Variants in TAFA2 observed in about 807,000 individuals in gnomAD.
TAFA2 encodes chemokine-like protein TAFA-2.
TAFA2 carries 7 observed loss-of-function variants against 18.8 expected under a neutral mutation model. That is an observed-to-expected ratio of 0.37 (90% CI 0.21 to 0.70). The LOEUF (loss-of-function observed/expected upper bound fraction) is 0.70, where lower values mean the gene tolerates loss of function less well. Among genes scored for constraint, TAFA2 ranks in the 30% least tolerant of loss-of-function variants. The probability of loss-of-function intolerance (pLI) is 0.53; values close to 1 mark genes in which losing one functional copy is unlikely to be tolerated. For missense variants in TAFA2, 122 were observed against 158.1 expected, an observed-to-expected ratio of 0.77 and a Z score of 1.23; for synonymous variants, 60 against 54.2, an observed-to-expected ratio of 1.11 and a Z score of -0.47.
intron 2 of TAFA2, among the ~76,000 whole-genome samples, chr12:61,825,289 G>A (rs1872496777): frequency 6.6e-6 from 1 of 152,006 alleles, no homozygotes; most frequent in Non-Finnish European, 1.5e-5. Context: ...AATAAGCACA[G>A]CAACTGATTG....
intron 1 of TAFA2, among the ~76,000 whole-genome samples, chr12:61,912,458 CA>C (rs1228449003): frequency 6.6e-6 from 1 of 152,104 alleles, no homozygotes; most frequent in Non-Finnish European, 1.5e-5. Flanking sequence ...TTAGAAAATA[CA>C]AATATATGTG....
chr12:61,818,944 G>C (rs924131020), intron 2 of TAFA2, among the ~76,000 whole-genome samples: 20 of 152,116 alleles, frequency 1.3e-4, no homozygotes, highest in Non-Finnish European at 2.6e-4. Flanking sequence ...TTTTATAAAA[G>C]GCTGTAAGGC....
intron 1 of TAFA2, among the ~76,000 whole-genome samples, chr12:62,066,768 TAAAC>T (rs2136796813): frequency 6.6e-6 from 1 of 152,172 alleles, no homozygotes; most frequent in South Asian, 2.1e-4. Flanking sequence ...AGTGCTGTAA[TAAAC>T]AAGGGAATGC....
At chr12:61,713,651 T>C (rs937263024) in intron 4 of TAFA2, among the ~76,000 whole-genome samples, 2 of 152,266 alleles carry the variant, frequency 1.3e-5, no homozygotes, top group African/African-American at 4.8e-5. Flanking sequence ...AGGTACATTA[T>C]CACCAGTTGA....
At chr12:61,961,330 T>C (rs1031621792) in intron 1 of TAFA2, among the ~76,000 whole-genome samples, 1 of 151,954 alleles carries the variant, frequency 6.6e-6, no homozygotes, top group Non-Finnish European at 1.5e-5. Flanking sequence ...AAACCCAAAC[T>C]ATATCAACTA....
chr12:62,079,990 G>C (rs1868295094), intron 1 of TAFA2, among the ~76,000 whole-genome samples: 1 of 152,176 alleles, frequency 6.6e-6, no homozygotes, highest in African/African-American at 2.4e-5. Context: ...AGATCTTATA[G>C]GCTAAAATCA....
chr12:61,952,833 T>A (rs1363563909), intron 1 of TAFA2, among the ~76,000 whole-genome samples: 1 of 152,122 alleles, frequency 6.6e-6, no homozygotes, highest in African/African-American at 2.4e-5. Flanking sequence ...CGTGATTATA[T>A]GTATGATTAT....
At chr12:61,865,407 A>C (rs531866033) in intron 2 of TAFA2, among the ~76,000 whole-genome samples, 32 of 152,352 alleles carry the variant, frequency 2.1e-4, no homozygotes, top group Non-Finnish European at 3.8e-4. Context: ...AAATAAAAAG[A>C]AAAGAAAGAA....
intron 2 of TAFA2, among the ~76,000 whole-genome samples, chr12:61,810,167 C>T (rs976085764): frequency 5.9e-5 from 9 of 151,474 alleles, no homozygotes; most frequent in Admixed American, 2.0e-4. Context: ...CATACCATAA[C>T]ATTTTTCTTC....
At chr12:62,191,070 A>C (rs903540783) in intron 1 of TAFA2, among the ~76,000 whole-genome samples, 189 bp downstream of exon 1, 20 of 151,394 alleles carry the variant, frequency 1.3e-4, no homozygotes, top group African/African-American at 4.6e-4. Flanking sequence ...CCCGCGAGGG[A>C]GACGCCGGCC....
chr12:61,898,398 G>A (rs531661525), intron 1 of TAFA2, among the ~76,000 whole-genome samples: 14 of 152,306 alleles, frequency 9.2e-5, no homozygotes, highest in Admixed American at 3.9e-4. Context: ...CCTAGCAGAG[G>A]TTCTCCATGA....
chr12:61,877,955 A>G (rs1874938530), intron 1 of TAFA2: 1 of 420,680 alleles, frequency 2.4e-6, no homozygotes, highest in Admixed American at 2.6e-5. Flanking sequence ...ATATACATAT[A>G]TATACACACA....
intron 1 of TAFA2, among the ~76,000 whole-genome samples, chr12:62,229,007 C>A (rs925369094): frequency 2.6e-5 from 4 of 151,508 alleles, no homozygotes; most frequent in African/African-American, 9.7e-5. Context: ...TTTTTTATTT[C>A]TTTTTCAGTT....
chr12:61,859,380 G>A (rs539636534), intron 2 of TAFA2, among the ~76,000 whole-genome samples: 1 of 152,290 alleles, frequency 6.6e-6, no homozygotes, highest in Admixed American at 6.5e-5. Context: ...CCCAATTCAA[G>A]GTAATGTTTG....
intron 1 of TAFA2, among the ~76,000 whole-genome samples, chr12:61,877,134 C>T (rs1329011384): frequency 6.6e-6 from 1 of 152,196 alleles, no homozygotes; most frequent in African/African-American, 2.4e-5. Context: ...AAAGCAGCAA[C>T]CACTCTGTGC....
intron 1 of TAFA2, among the ~76,000 whole-genome samples, chr12:62,173,195 C>G (rs2062490330): frequency 1.3e-5 from 2 of 152,024 alleles, no homozygotes; most frequent in African/African-American, 4.8e-5. Flanking sequence ...GGAGGATCAC[C>G]TGAGGTCAGG....
intron 1 of TAFA2, among the ~76,000 whole-genome samples, chr12:62,139,407 C>T (rs1169365252): frequency 6.6e-6 from 1 of 152,002 alleles, no homozygotes; most frequent in Non-Finnish European, 1.5e-5. Flanking sequence ...AAACATTACA[C>T]CCCAGAGTGT....
intron 2 of TAFA2, among the ~76,000 whole-genome samples, chr12:61,799,068 T>C (rs902331007): frequency 2.0e-5 from 3 of 152,250 alleles, no homozygotes; most frequent in African/African-American, 7.2e-5. Context: ...GGGCTTCTAA[T>C]GACTAGTATC....
chr12:62,224,370 C>T (rs1165207368), intron 1 of TAFA2, among the ~76,000 whole-genome samples: 2 of 151,926 alleles, frequency 1.3e-5, no homozygotes, highest in Non-Finnish European at 2.9e-5. Flanking sequence ...CTGAGAAATC[C>T]AAGATCATGG....
Sources: allele counts gnomAD v4.1 joint callset (sites outside exome capture counted in the v4.1 genomes callset), GRCh38; gene constraint gnomAD v4.1.1; transcripts MANE v1.5; gene names NCBI Gene and HGNC (gene_info 2026-07-23, HGNC 2026-07-21).